CUX2: variants seen among roughly 807,000 people sequenced by gnomAD.
The protein encoded by CUX2 is homeobox protein cut-like 2.
Under a neutral mutation model 144.8 loss-of-function variants are expected in CUX2, and 40 were observed. The observed-to-expected ratio is 0.28, with a 90% CI of 0.21 to 0.36. CUX2 has a LOEUF of 0.36. Ranked by LOEUF, CUX2 falls within the 10% of genes least tolerant of loss-of-function variation. The pLI is 1.00. For synonymous variants in CUX2, 827 were observed against 875.6 expected (o/e 0.94, Z 0.98); for missense variants, 1,615 against 1,994.0 (o/e 0.81, Z 3.62).
Position 111,322,611 on chromosome 12 carries a change from G to A in CUX2, c.2926+31G>A. 1 of 1,597,420 alleles carries A rather than the reference G, an allele frequency of 6.3e-7. No individual in the cohort carries two copies. The highest frequency in any genetic ancestry group is 1.1e-5 in the South Asian group (1 of 89,674). On this transcript the variant is annotated intron_variant, in intron 18 of 21. Transcript: ENST00000261726. This position sits in a 1 kb window ranked among gnomAD's most constrained non-coding sequence, Gnocchi z 4.2. The stretch of plus-strand genomic sequence containing the variant: ...TGCGGGCAGGAGCATCTCAGGGGGT[G>A]CTGGCAAACTTCCCACCTGCGCAGT...
intron 1 of CUX2, among the ~76,000 whole-genome samples, chr12:111,045,457 CA>C (rs1484951137): frequency 1.3e-5 from 2 of 152,170 alleles, no homozygotes; most frequent in African/African-American, 4.8e-5. Flanking sequence ...ACTTCATAAT[CA>C]TTTGGAGGTA....
In CUX2 at chr12:111,308,342, C is replaced by A; in HGVS notation, c.1158+9C>A. 6.2e-7 allele frequency: 1 copy of A among 1,614,178 alleles called. No individual in the cohort carries two copies. The highest frequency in any genetic ancestry group is 8.5e-7 in the Non-Finnish European group (1 of 1,180,018). ...CCTGCAGCCTCCCCCAGGTAAGTGTCCCTGCCACCATCCCTGCAGGGCAGG... is the reference window on the plus strand; with the variant it reads ...CCTGCAGCCTCCCCCAGGTAAGTGTACCTGCCACCATCCCTGCAGGGCAGG... On this transcript the variant is annotated intron_variant, in intron 13 of 21. Coordinates refer to ENST00000261726, the MANE Select transcript of CUX2 (RefSeq NM_015267.4).
At chr12:111,279,908 G>A (rs1041673783) in intron 4 of CUX2, among the ~76,000 whole-genome samples, 2 of 152,238 alleles carry the variant, frequency 1.3e-5, no homozygotes, top group Admixed American at 1.3e-4. Flanking sequence ...CTTGAACCCG[G>A]GAAGTGGAGG....
At chr12:111,144,780 T>C (rs191735789) in intron 1 of CUX2, among the ~76,000 whole-genome samples, 6 of 151,566 alleles carry the variant, frequency 4.0e-5, no homozygotes, top group African/African-American at 1.5e-4. Flanking sequence ...CAGTTGAGGG[T>C]GAAATTGGGG....
chr12:111,343,988 G>A (rs1311895625), intron 21 of CUX2, among the ~76,000 whole-genome samples: 1 of 151,384 alleles, frequency 6.6e-6, no homozygotes, highest in Non-Finnish European at 1.5e-5. Flanking sequence ...AGGAGGTGGA[G>A]GTTGCTTTGA....
chr12:111,066,106 G>C (rs546496109), intron 1 of CUX2, among the ~76,000 whole-genome samples: 26 of 152,280 alleles, frequency 1.7e-4, no homozygotes, highest in African/African-American at 6.3e-4. Flanking sequence ...GAGTGTGAAG[G>C]CCTCTTCAGT....
intron 19 of CUX2, among the ~76,000 whole-genome samples, chr12:111,335,670 G>A (rs1327334717): frequency 6.6e-6 from 1 of 152,124 alleles, no homozygotes; most frequent in Non-Finnish European, 1.5e-5. Context: ...TTGTACCACT[G>A]CACTCCAGCC....
Position 111,093,703 on chromosome 12 carries a change from C to G in CUX2, c.63+59463C>G, listed in dbSNP as rs537945543. Among the ~76,000 whole-genome samples, 7 of 152,238 alleles carry G rather than the reference C, an allele frequency of 4.6e-5. No individual in the cohort carries two copies. The South Asian group carries it at 8.3e-4, about 18-fold the overall frequency. Reference sequence around the variant, plus strand: ...CCCAGTGGTTAGTTTGTGGGTGAAGCGCCTGTCGCTCTTCCTTTTATTTTA... The same window carrying G: ...CCCAGTGGTTAGTTTGTGGGTGAAGGGCCTGTCGCTCTTCCTTTTATTTTA... On this transcript the variant is annotated intron_variant, in intron 1 of 21. Transcript: ENST00000261726.
intron 2 of CUX2, among the ~76,000 whole-genome samples, chr12:111,216,797 G>A (rs1158449365): frequency 2.6e-5 from 4 of 152,070 alleles, no homozygotes; most frequent in African/African-American, 9.7e-5. Flanking sequence ...TCAATCAGTG[G>A]CTCAGGAAAG....
At chr12:111,106,852 G>A (rs190030991) in intron 1 of CUX2, among the ~76,000 whole-genome samples, 5 of 152,310 alleles carry the variant, frequency 3.3e-5, no homozygotes, top group Admixed American at 6.5e-5. Context: ...CATTATGGCC[G>A]GGAGAGGAAA....
At chr12:111,240,742 TCTC>T (rs1412967053) in intron 3 of CUX2, among the ~76,000 whole-genome samples, 3 of 152,202 alleles carry the variant, frequency 2.0e-5, no homozygotes, top group Non-Finnish European at 4.4e-5. Context: ...TCTCTTCTCA[TCTC>T]CTCTGGGCTA....
intron 1 of CUX2, among the ~76,000 whole-genome samples, chr12:111,145,776 C>G (rs1434880094): frequency 6.6e-6 from 1 of 152,220 alleles, no homozygotes; most frequent in African/African-American, 2.4e-5. Flanking sequence ...AAGCAATTCT[C>G]CTGCCTCAGC....
At chr12:111,294,344 G>C (rs1465821251) in intron 6 of CUX2, among the ~76,000 whole-genome samples, 1 of 152,160 alleles carries the variant, frequency 6.6e-6, no homozygotes, top group Admixed American at 6.5e-5. Context: ...CTGACCTCAA[G>C]TGATCCTCCC....
In CUX2 at chr12:111,106,627, A is replaced by C. The variant is rs57771721; in HGVS notation, c.63+72387A>C. 2.0e-5 allele frequency among the ~76,000 whole-genome samples: 3 copies of C among 152,260 alleles called. No homozygotes were observed. The South Asian group carries it at 6.2e-4, about 32-fold the overall frequency. On this transcript the variant is annotated intron_variant, in intron 1 of 21. Transcript: ENST00000261726. Reference sequence around the variant, plus strand: ...TGAGTCTTAATTCCTGATAGAAATAAGAAAAGGTACCAGGTAGGTGCCAAG... The same window carrying C: ...TGAGTCTTAATTCCTGATAGAAATACGAAAAGGTACCAGGTAGGTGCCAAG...
chr12:111,131,313 A>AT (rs1265413351), intron 1 of CUX2, among the ~76,000 whole-genome samples: 21 of 152,180 alleles, frequency 1.4e-4, no homozygotes, highest in Non-Finnish European at 1.0e-4. Context: ...AGCCCCTGTG[A>AT]TTCCATTATC....
At chr12:111,080,379 G>A (rs1163651944) in intron 1 of CUX2, among the ~76,000 whole-genome samples, 1 of 152,134 alleles carries the variant, frequency 6.6e-6, no homozygotes, top group Admixed American at 6.5e-5. Context: ...CCATTAAAAT[G>A]TCAGCTCTAG....
At chr12:111,228,278 C>A (rs1325878735) in intron 3 of CUX2, among the ~76,000 whole-genome samples, 1 of 152,138 alleles carries the variant, frequency 6.6e-6, no homozygotes, top group African/African-American at 2.4e-5. Context: ...CATTTTGCTA[C>A]TTATTATAGT....
intron 20 of CUX2, among the ~76,000 whole-genome samples, chr12:111,341,539 T>A (rs886685593): frequency 2.0e-5 from 3 of 152,012 alleles, no homozygotes; most frequent in African/African-American, 7.2e-5. Context: ...GAGTCTTCGC[T>A]CATGCCAGGG....
chr12:111,216,541 G>A (rs1881542126), intron 2 of CUX2, among the ~76,000 whole-genome samples: 1 of 152,192 alleles, frequency 6.6e-6, no homozygotes, highest in Non-Finnish European at 1.5e-5. Context: ...CAACCCAGAG[G>A]TTCCGTGCTC....
Sources: gnomAD v4.1 joint callset for allele counts (sites outside exome capture counted in the v4.1 genomes callset) on GRCh38, gnomAD v4.1.1 for gene constraint, Gnocchi (gnomAD v3.1) non-coding constraint, MANE v1.5 for transcripts, NCBI Gene and HGNC (gene_info 2026-07-23, HGNC 2026-07-21) for gene names.